ATXN1: variants seen among roughly 807,000 people sequenced by gnomAD.
ATXN1 encodes the protein ataxin-1.
In ATXN1, 8 loss-of-function variants were observed where a neutral mutation model predicts 56.4. The observed-to-expected ratio is 0.14, with a 90% CI of 0.08 to 0.26. ATXN1 has a LOEUF of 0.26. Ranked by LOEUF, ATXN1 falls within the 10% of genes least tolerant of loss-of-function variation. The pLI is 1.00. For synonymous variants in ATXN1, 514 were observed against 494.6 expected (o/e 1.04, Z -0.52); for missense variants, 987 against 1,106.5 (o/e 0.89, Z 1.53).
At chr6:16,369,588 C>G (rs538741438) in intron 6 of ATXN1, among the ~76,000 whole-genome samples, 1 of 152,198 alleles carries the variant, frequency 6.6e-6, no homozygotes, top group Non-Finnish European at 1.5e-5. Flanking sequence ...GCCACCCGTT[C>G]GCTCTTGGCT....
intron 6 of ATXN1, among the ~76,000 whole-genome samples, chr6:16,438,370 TTTC>T (rs1439120494): frequency 6.6e-6 from 1 of 152,192 alleles, no homozygotes; most frequent in Non-Finnish European, 1.5e-5. Flanking sequence ...GAAATAAAAA[TTTC>T]TTGTTTATTT....
intron 5 of ATXN1, among the ~76,000 whole-genome samples, chr6:16,498,648 A>G (rs1046132844): frequency 6.6e-6 from 1 of 152,094 alleles, no homozygotes; most frequent in African/African-American, 2.4e-5. Flanking sequence ...GCTTGCCAAC[A>G]CTTGTTATTT....
At chr6:16,420,847 C>T (rs1326272407) in intron 6 of ATXN1, among the ~76,000 whole-genome samples, 5 of 152,162 alleles carry the variant, frequency 3.3e-5, no homozygotes, top group African/African-American at 4.8e-5. Context: ...CTCTCTGTCT[C>T]TCTCTCTCGT....
intron 6 of ATXN1, among the ~76,000 whole-genome samples, chr6:16,397,500 G>A (rs888429790): frequency 3.3e-5 from 5 of 152,140 alleles, no homozygotes; most frequent in African/African-American, 1.2e-4. Context: ...CTGACCTCAG[G>A]TGATCTGCCT....
At chr6:16,639,177 G>A (rs776153709) in intron 3 of ATXN1, among the ~76,000 whole-genome samples, 5 of 152,150 alleles carry the variant, frequency 3.3e-5, no homozygotes, top group Non-Finnish European at 4.4e-5. Context: ...AGCTGGCCAC[G>A]CCAGCCAGCA....
intron 2 of ATXN1, among the ~76,000 whole-genome samples, chr6:16,668,196 A>AT (rs1179355498): frequency 2.6e-5 from 4 of 151,706 alleles, no homozygotes; most frequent in African/African-American, 9.7e-5. Context: ...TTGTTTTCTT[A>AT]TTTTTTTGTT....
chr6:16,362,652 A>G (rs1311266347), intron 6 of ATXN1, among the ~76,000 whole-genome samples: 1 of 152,246 alleles, frequency 6.6e-6, no homozygotes, highest in African/African-American at 2.4e-5. Context: ...GCAGAGAGAC[A>G]CTTTCGGAGC....
intron 4 of ATXN1, among the ~76,000 whole-genome samples, chr6:16,524,878 C>A (rs1233681181): frequency 6.6e-6 from 1 of 152,106 alleles, no homozygotes; most frequent in Non-Finnish European, 1.5e-5. Context: ...CATGGTAAAA[C>A]CCCATCTCTA....
chr6:16,380,982 T>C (rs1010095797), intron 6 of ATXN1, among the ~76,000 whole-genome samples: 4 of 152,172 alleles, frequency 2.6e-5, no homozygotes, highest in Non-Finnish European at 5.9e-5. Context: ...CTGACAGAAC[T>C]GGTGTCCTTG....
rs1761070558 is a variant in ATXN1 at position 16,760,879 on chromosome 6, G to C, written c.-730+419C>G. The stretch of plus-strand genomic sequence containing the variant: ...ACATGGCTCTCCGCACTTGCGACCG[G>C]ACCAGCAGCCGGGGGAGCGGGGCGC... On this transcript the variant is annotated intron_variant, in intron 1 of 7. Coordinates refer to ENST00000436367, the MANE Select transcript of ATXN1 (RefSeq NM_001128164.2). This position sits in a 1 kb window ranked among gnomAD's most constrained non-coding sequence, Gnocchi z 5.3. Among the ~76,000 whole-genome samples, 1 of 147,950 alleles carries C rather than the reference G, an allele frequency of 6.8e-6. No individual in the cohort carries two copies. The highest frequency in any genetic ancestry group is 2.5e-5 in the African/African-American group (1 of 40,566).
intron 4 of ATXN1, among the ~76,000 whole-genome samples, chr6:16,540,158 A>T (rs1248300979): frequency 6.6e-6 from 1 of 152,226 alleles, no homozygotes; most frequent in Non-Finnish European, 1.5e-5. Flanking sequence ...TGCATTGGTG[A>T]AATCACCAAT....
Position 16,699,762 on chromosome 6 carries a change from C to T in ATXN1, c.-614-41861G>A, listed in dbSNP as rs186730845. On this transcript the variant is annotated intron_variant, in intron 2 of 7. Coordinates refer to ENST00000436367, the MANE Select transcript of ATXN1 (RefSeq NM_001128164.2). ...TTCCCCAAATGAAATGTCAGACTCG[C>T]ATGATTCTGAGTAAGAATCAACTGT... is the stretch of plus-strand genomic sequence containing the variant. Among the ~76,000 whole-genome samples the T allele has an allele frequency of 5.9e-3, 894 of 152,048 alleles. 6 individuals carry two copies. Among genetic ancestry groups the T allele is most frequent in the African/African-American group, 0.02 (830 of 41,330 alleles).
intron 5 of ATXN1, among the ~76,000 whole-genome samples, chr6:16,522,213 C>T (rs911126434): frequency 1.3e-5 from 2 of 152,140 alleles, no homozygotes; most frequent in Non-Finnish European, 2.9e-5. Flanking sequence ...GCTCTCAGGT[C>T]TCATCTGGTG....
chr6:16,358,904 G>C (rs1269920638), intron 6 of ATXN1, among the ~76,000 whole-genome samples: 2 of 152,210 alleles, frequency 1.3e-5, no homozygotes, highest in African/African-American at 4.8e-5. Context: ...CAGGAAGCAG[G>C]CAGGAGCCAG....
chr6:16,419,700 A>G (rs1758991797), intron 6 of ATXN1, among the ~76,000 whole-genome samples: 1 of 152,160 alleles, frequency 6.6e-6, no homozygotes, highest in Non-Finnish European at 1.5e-5. Context: ...ACCAGTGTAC[A>G]GGGGACACTG....
At chr6:16,733,985 C>T (rs879908031) in intron 2 of ATXN1, among the ~76,000 whole-genome samples, 9 of 151,104 alleles carry the variant, frequency 6.0e-5, no homozygotes, top group African/African-American at 1.2e-4. Context: ...CCAGCCACTC[C>T]GGAGGCTGAC....
chr6:16,555,731 A>G (rs1762001022), intron 4 of ATXN1, among the ~76,000 whole-genome samples: 1 of 152,168 alleles, frequency 6.6e-6, no homozygotes, highest in Non-Finnish European at 1.5e-5. Flanking sequence ...GTCCCAAGCA[A>G]CAGGACGCAT....
intron 6 of ATXN1, among the ~76,000 whole-genome samples, chr6:16,416,020 A>T (rs1445982668): frequency 1.3e-5 from 2 of 151,890 alleles, no homozygotes; most frequent in Admixed American, 1.3e-4. Flanking sequence ...GCCAGTACAT[A>T]TAAGTCAATA....
intron 5 of ATXN1, among the ~76,000 whole-genome samples, chr6:16,514,779 C>T (rs989376791): frequency 1.3e-5 from 2 of 151,854 alleles, no homozygotes; most frequent in African/African-American, 4.8e-5. Flanking sequence ...GTCAAGAGAT[C>T]GAGACCAGCC....
Sources: allele counts gnomAD v4.1 joint callset (sites outside exome capture counted in the v4.1 genomes callset), GRCh38; gene constraint gnomAD v4.1.1; non-coding constraint Gnocchi (gnomAD v3.1); transcripts MANE v1.5; gene names NCBI Gene and HGNC (gene_info 2026-07-23, HGNC 2026-07-21).